Variants in MTHFD1L observed in about 807,000 individuals in gnomAD.
MTHFD1L encodes the protein methylenetetrahydrofolate dehydrogenase (NADP+ dependent) 1 like, also known as monofunctional C1-tetrahydrofolate synthase, mitochondrial.
A neutral mutation model predicts 119.5 loss-of-function variants in MTHFD1L; 81 were observed. That is an observed-to-expected ratio of 0.68 (90% CI 0.57 to 0.82). MTHFD1L has a LOEUF of 0.82. MTHFD1L is among the 40% of genes least tolerant of loss of function. MTHFD1L has a pLI of 0.00. For synonymous variants in MTHFD1L, 430 were observed against 475.2 expected, an observed-to-expected ratio of 0.90 and a Z score of 1.24; for missense variants, 1,125 against 1,253.4, an observed-to-expected ratio of 0.90 and a Z score of 1.55.
chr6:151,096,331 T>A (rs1311432066), intron 27 of MTHFD1L, among the ~76,000 whole-genome samples: 1 of 152,206 alleles, frequency 6.6e-6, no homozygotes, highest in Non-Finnish European at 1.5e-5. Flanking sequence ...CTTTCTTCTT[T>A]GTGAATTGCT....
At chr6:150,956,611 C>T (rs567991463) in intron 17 of MTHFD1L, among the ~76,000 whole-genome samples, 4 of 152,190 alleles carry the variant, frequency 2.6e-5, no homozygotes, top group Admixed American at 2.0e-4. Context: ...GTCAATGGCA[C>T]TTAGGGAATA....
chr6:150,999,522 T>C (rs1780303748), intron 20 of MTHFD1L, among the ~76,000 whole-genome samples: 1 of 152,202 alleles, frequency 6.6e-6, no homozygotes, highest in Non-Finnish European at 1.5e-5. Flanking sequence ...ACTGTTCTTG[T>C]TCCCTACAAG....
intron 20 of MTHFD1L, among the ~76,000 whole-genome samples, chr6:150,988,348 C>T (rs1778590400): frequency 6.6e-6 from 1 of 152,152 alleles, no homozygotes; most frequent in Non-Finnish European, 1.5e-5. Flanking sequence ...CAAAAAGAGT[C>T]AAATTACCCC....
chr6:150,919,571 T>C (rs1327230600), intron 9 of MTHFD1L, among the ~76,000 whole-genome samples: 1 of 152,188 alleles, frequency 6.6e-6, no homozygotes, highest in Non-Finnish European at 1.5e-5. Flanking sequence ...CACAGGCATC[T>C]GCTTCTGGAG....
intron 26 of MTHFD1L, among the ~76,000 whole-genome samples, chr6:151,041,378 T>C (rs1453392468): frequency 6.6e-6 from 1 of 152,158 alleles, no homozygotes. Context: ...AATTTCCTGC[T>C]GAGATGACTG....
intron 26 of MTHFD1L, among the ~76,000 whole-genome samples, chr6:151,085,727 T>A (rs1421815795): frequency 6.6e-6 from 1 of 151,934 alleles, no homozygotes. Context: ...GCAGAGATTG[T>A]GCTACTACAC....
In MTHFD1L at chr6:150,936,940, G is replaced by C; in HGVS notation, c.1393G>C (p.Gly465Arg). ...CCAAGGACCGACGTTTGGAGTGAAA[G>C]GTACTGTCTTTAACAACTAGTGTAC... Reference protein sequence around the residue: ...PSQGPTFGVKGGAAGGGYAQV... With the variant: ...PSQGPTFGVKRGAAGGGYAQV... Residue 465 changes from glycine (G) to arginine (R), a missense_variant and splice_region_variant, in exon 12 of 28, where the codon GGA becomes CGA. Gly to Arg is a moderately radical substitution (Grantham distance 125). Coordinates refer to ENST00000367321, the MANE Select transcript of MTHFD1L (RefSeq NM_015440.5). 2.5e-6 allele frequency: 4 copies of C among 1,613,976 alleles called. No homozygotes were observed. The highest frequency in any genetic ancestry group is 3.4e-6 in the Non-Finnish European group (4 of 1,179,916).
Position 150,945,479 on chromosome 6 carries a change from C to T in MTHFD1L, c.1561C>T (p.Arg521Trp), listed in dbSNP as rs745485573. The change falls in exon 15 of 28, where the codon CGG becomes TGG. Residue 521 changes from arginine to tryptophan, a missense_variant. Arg to Trp is a moderately radical substitution (Grantham distance 101). Around this residue, in one of 3 missense-constraint regions of MTHFD1L, gnomAD observed 1,058 missense variants for 1,151.2 expected, o/e 0.92. Coordinates refer to ENST00000367321, the MANE Select transcript of MTHFD1L (RefSeq NM_015440.5). Reference sequence around the variant, plus strand: ...TTTGTGTTTTTAGGCTCTGTATAATCGGCTGGTTCCTTTAGTGAATGGTGT... The same window carrying T: ...TTTGTGTTTTTAGGCTCTGTATAATTGGCTGGTTCCTTTAGTGAATGGTGT... ...NTQTDKALYN[R>W]LVPLVNGVRE... 9.3e-6 allele frequency: 15 copies of T among 1,613,658 alleles called. No homozygotes were observed. The highest frequency in any genetic ancestry group is 1.3e-5 in the African/African-American group (1 of 75,014).
Position 151,039,932 on chromosome 6 carries a change from ACATACATACATACATG to A in MTHFD1L, c.2847+2823_2847+2838del, listed in dbSNP as rs1042831623. 6.4e-5 allele frequency among the ~76,000 whole-genome samples: 8 copies of A among 124,998 alleles called. No individual in the cohort carries two copies. Among genetic ancestry groups the A allele is most frequent in the South Asian group, 4.8e-4 (2 of 4,126 alleles). 82.0% of individuals were successfully genotyped at this position (124,998 alleles called of 152,430 possible). A position where few individuals can be genotyped will look rare whatever the true frequency, so the allele number is the denominator to read the frequency against. Reference sequence around the variant, plus strand: ...TTCATCTCTAAATACATACATACATACATACATACATACATGCATACATGCATACATGCATACATAG... The same window carrying A: ...TTCATCTCTAAATACATACATACATACATACATGCATACATGCATACATAG... On this transcript the variant is annotated intron_variant, in intron 26 of 27. Coordinates refer to ENST00000367321, the MANE Select transcript of MTHFD1L (RefSeq NM_015440.5). This position sits in a 1 kb window ranked among gnomAD's most constrained non-coding sequence, Gnocchi z 4.4.
chr6:150,900,688 C>T (rs1361600225), intron 7 of MTHFD1L, among the ~76,000 whole-genome samples: 1 of 152,208 alleles, frequency 6.6e-6, no homozygotes, highest in Admixed American at 6.5e-5. Context: ...GAGCCACATA[C>T]TGTAGCCCAA....
chr6:151,015,709 A>G lies in MTHFD1L; in HGVS notation c.2586+16A>G. ...TGATGTTCAGGTAAGATCTAGTAAA[A>G]ACAATGGCTCACATTTCTTACACCT... On this transcript the variant is annotated intron_variant, in intron 24 of 27. Transcript: ENST00000367321. The G allele has an allele frequency of 6.2e-7, 1 of 1,611,070 alleles. No individual in the cohort carries two copies. The highest frequency in any genetic ancestry group is 8.5e-7 in the Non-Finnish European group (1 of 1,178,672).
chr6:150,912,072 G>A lies in MTHFD1L; in HGVS notation c.892+6311G>A, dbSNP rs1186332933. The stretch of plus-strand genomic sequence containing the variant: ...CTCAGGATAACTCACTCACTATCAT[G>A]AGAACAGCACCAATGGGATGGCGCT... On this transcript the variant is annotated intron_variant, in intron 8 of 27. Coordinates refer to ENST00000367321, the MANE Select transcript of MTHFD1L (RefSeq NM_015440.5). Among the ~76,000 whole-genome samples the A allele has an allele frequency of 2.0e-5, 3 of 152,108 alleles. No individual in the cohort carries two copies. The East Asian group carries it at 5.8e-4, about 29-fold the overall frequency.
intron 16 of MTHFD1L, among the ~76,000 whole-genome samples, chr6:150,954,796 T>G (rs1795373713): frequency 6.6e-6 from 1 of 151,946 alleles, no homozygotes; most frequent in Non-Finnish European, 1.5e-5. Flanking sequence ...TTTGTATTCT[T>G]TGTAGAGACA....
intron 5 of MTHFD1L, among the ~76,000 whole-genome samples, chr6:150,884,288 C>T (rs1431235604): frequency 5.9e-5 from 9 of 151,758 alleles, no homozygotes; most frequent in African/African-American, 1.9e-4. Flanking sequence ...ACTACAGGTG[C>T]CCACCACCAC....
rs958508867 is a variant in MTHFD1L at position 151,034,422 on chromosome 6, C to T, written c.2587-71C>T. 7.8e-6 allele frequency: 8 copies of T among 1,031,582 alleles called. No individual in the cohort carries two copies. The African/African-American group carries it at 1.3e-4, about 16-fold the overall frequency. The allele number at this position is 1,031,582 out of a possible 1,614,324, so 63.9% of individuals were successfully genotyped here. ...AATTTTAAGCAATTACAGAACATCT[C>T]ACTAAAGTTTTTAAAAAATCTTTAA... On this transcript the variant is annotated intron_variant, in intron 24 of 27. Coordinates refer to ENST00000367321, the MANE Select transcript of MTHFD1L (RefSeq NM_015440.5).
intron 8 of MTHFD1L, among the ~76,000 whole-genome samples, chr6:150,907,377 GA>G (rs761311208): frequency 6.6e-6 from 1 of 152,178 alleles, no homozygotes; most frequent in East Asian, 1.9e-4. Flanking sequence ...TTCTCTGGGG[GA>G]AAAAAAGACC....
intron 9 of MTHFD1L, among the ~76,000 whole-genome samples, chr6:150,919,552 G>A (rs1661185262): frequency 6.6e-6 from 1 of 152,170 alleles, no homozygotes; most frequent in African/African-American, 2.4e-5. Flanking sequence ...GGCCTTACAG[G>A]AAGCATAACA....
chr6:150,900,551 C>G (rs771137677), intron 7 of MTHFD1L, among the ~76,000 whole-genome samples: 20 of 152,156 alleles, frequency 1.3e-4, no homozygotes, highest in Non-Finnish European at 2.2e-4. Context: ...GTTCCAGACC[C>G]GGGCCCCCAG....
At chr6:150,984,023 A>G (rs1324688060) in intron 20 of MTHFD1L, among the ~76,000 whole-genome samples, 1 of 152,156 alleles carries the variant, frequency 6.6e-6, no homozygotes, top group Non-Finnish European at 1.5e-5. Flanking sequence ...CGCCTGCCTC[A>G]GCCTCCCAAA....
Sources: gnomAD v4.1 joint callset for allele counts (sites outside exome capture counted in the v4.1 genomes callset) on GRCh38, gnomAD v4.1.1 for gene constraint, gnomAD v4.1.1 regional missense constraint, Gnocchi (gnomAD v3.1) non-coding constraint, MANE v1.5 for transcripts, NCBI Gene and HGNC (gene_info 2026-07-23, HGNC 2026-07-21) for gene names.